Variants in BMPR1B observed in about 807,000 individuals in gnomAD.
BMPR1B encodes bone morphogenetic protein receptor type 1B.
A neutral mutation model predicts 59.1 loss-of-function variants in BMPR1B; 12 were observed. That is an observed-to-expected ratio of 0.20 (90% CI 0.13 to 0.33). The LOEUF (loss-of-function observed/expected upper bound fraction) is 0.33, where lower values mean the gene tolerates loss of function less well. Ranked by LOEUF, BMPR1B falls within the 10% of genes least tolerant of loss-of-function variation. The pLI, the probability that BMPR1B is intolerant of heterozygous loss-of-function variation, is 1.00. For synonymous variants in BMPR1B, 237 were observed against 207.3 expected (o/e 1.14, Z -1.23); for missense variants, 550 against 610.9 (o/e 0.90, Z 1.05).
chr4:94,832,774 C>T (rs867546709), intron 1 of BMPR1B, among the ~76,000 whole-genome samples: 13 of 151,890 alleles, frequency 8.6e-5, no homozygotes, highest in African/African-American at 2.7e-4. Context: ...CAGAGTAATG[C>T]TCCGTCTCAA....
At chr4:95,148,984 T>C in intron 11 of BMPR1B, 61 bp downstream of exon 11, 1 of 1,589,616 alleles carries the variant, frequency 6.3e-7, no homozygotes, top group South Asian at 1.1e-5. Context: ...CCTTTCTTTC[T>C]GATCAGAAAT....
Position 94,763,213 on chromosome 4 carries a change from G to C in BMPR1B, c.-183+5145G>C, listed in dbSNP as rs545394834. ...GTCAGTATAAAAAAAGGGAAGTGAG[G>C]CAGAATTCCTCTAATTAGGTCTGAG... On this transcript the variant is annotated intron_variant, in intron 1 of 12. Transcript: ENST00000515059. 5.3e-5 allele frequency among the ~76,000 whole-genome samples: 8 copies of C among 152,286 alleles called. No individual in the cohort carries two copies. In the East Asian group the frequency reaches 1.5e-3, roughly 29 times the overall value.
chr4:94,822,848 C>T (rs182463075), intron 1 of BMPR1B, among the ~76,000 whole-genome samples: 68 of 152,254 alleles, frequency 4.5e-4, no homozygotes, highest in African/African-American at 1.5e-3. Flanking sequence ...GGGAAGGATA[C>T]AAAGGCTTTT....
intron 1 of BMPR1B, among the ~76,000 whole-genome samples, chr4:94,786,108 T>C (rs1722754046): frequency 6.6e-6 from 1 of 152,180 alleles, no homozygotes; most frequent in South Asian, 2.1e-4. Flanking sequence ...TAATATGCCA[T>C]AATAATTCGG....
chr4:95,030,482 C>T (rs953337135), intron 3 of BMPR1B, among the ~76,000 whole-genome samples: 3 of 152,024 alleles, frequency 2.0e-5, no homozygotes, highest in Admixed American at 2.0e-4. Context: ...CCCTCTCTCA[C>T]CACTCCTATT....
intron 1 of BMPR1B, among the ~76,000 whole-genome samples, chr4:94,839,727 A>G (rs13151958): frequency 0.57 from 66,230 of 116,540 alleles, 21,715 homozygotes; most frequent in African/African-American, 0.78. Flanking sequence ...TTGCCAGTCT[A>G]TGTCTTTTAA....
At chr4:95,060,805 G>GGGACT (rs1240542305) in intron 3 of BMPR1B, among the ~76,000 whole-genome samples, 2 of 152,048 alleles carry the variant, frequency 1.3e-5, no homozygotes, top group Non-Finnish European at 2.9e-5. Context: ...GGCAGTTTTG[G>GGGACT]GGACTGTTCT....
intron 1 of BMPR1B, among the ~76,000 whole-genome samples, chr4:94,874,251 C>G (rs576685915): frequency 5.3e-5 from 8 of 152,116 alleles, no homozygotes; most frequent in Non-Finnish European, 1.2e-4. Flanking sequence ...GTGAATAATA[C>G]TGCAGTGAAC....
intron 3 of BMPR1B, among the ~76,000 whole-genome samples, chr4:95,033,829 A>G (rs1816461): frequency 0.34 from 52,166 of 152,110 alleles, 9,650 homozygotes; most frequent in African/African-American, 0.49. Context: ...AGCATGGACA[A>G]AGATGAAAGA....
intron 2 of BMPR1B, among the ~76,000 whole-genome samples, chr4:94,978,029 A>G (rs985227898): frequency 6.6e-6 from 1 of 151,990 alleles, no homozygotes; most frequent in African/African-American, 2.4e-5. Context: ...CTTAATCCTC[A>G]TTTCTCTGAA....
At chr4:94,794,647 A>G (rs1002169216) in intron 1 of BMPR1B, among the ~76,000 whole-genome samples, 40 of 151,248 alleles carry the variant, frequency 2.6e-4, no homozygotes, top group African/African-American at 9.8e-4. Context: ...CTTCCTACCC[A>G]TGAGCATGGA....
chr4:94,813,121 G>T (rs1441521108), intron 1 of BMPR1B, among the ~76,000 whole-genome samples: 3 of 151,446 alleles, frequency 2.0e-5, no homozygotes, highest in Non-Finnish European at 4.4e-5. Flanking sequence ...AAATGATCTA[G>T]GTCATGAAGA....
At chr4:95,120,578 T>C (rs1276950633) in intron 6 of BMPR1B, among the ~76,000 whole-genome samples, 1 of 146,690 alleles carries the variant, frequency 6.8e-6, no homozygotes, top group African/African-American at 2.5e-5. Flanking sequence ...GGATACAGAA[T>C]GAATATACAA....
At chr4:95,033,054 T>A (rs1724992366) in intron 3 of BMPR1B, among the ~76,000 whole-genome samples, 1 of 152,172 alleles carries the variant, frequency 6.6e-6, no homozygotes, top group African/African-American at 2.4e-5. Context: ...TGATTTGCAT[T>A]TACCTAGTTA....
chr4:95,051,764 A>G, intron 3 of BMPR1B: 5 of 1,535,506 alleles, frequency 3.3e-6, no homozygotes, highest in Non-Finnish European at 4.4e-6. Context: ...CTCTCTATGC[A>G]CACAAGGGGT....
chr4:95,151,459 G>A (rs949996291), intron 11 of BMPR1B, among the ~76,000 whole-genome samples: 8 of 151,614 alleles, frequency 5.3e-5, no homozygotes, highest in South Asian at 2.1e-4. Context: ...CACATCCTGC[G>A]TGTTAGGCCC....
intron 2 of BMPR1B, among the ~76,000 whole-genome samples, chr4:94,962,437 C>A (rs931288888): frequency 6.6e-6 from 1 of 152,088 alleles, no homozygotes; most frequent in Non-Finnish European, 1.5e-5. Context: ...TTCTTTCTAG[C>A]AGTATGTTTG....
At chr4:94,895,865 G>T (rs935284496) in intron 2 of BMPR1B, among the ~76,000 whole-genome samples, 2 of 151,868 alleles carry the variant, frequency 1.3e-5, no homozygotes, top group Non-Finnish European at 2.9e-5. Flanking sequence ...GTGATAAAAG[G>T]AAAGGAAACT....
chr4:94,828,146 A>C (rs367782226), intron 1 of BMPR1B, among the ~76,000 whole-genome samples: 1 of 152,226 alleles, frequency 6.6e-6, no homozygotes, highest in African/African-American at 2.4e-5. Context: ...CATTAATTCA[A>C]ATTTAAAATA....
Sources: allele counts gnomAD v4.1 joint callset (sites outside exome capture counted in the v4.1 genomes callset), GRCh38; gene constraint gnomAD v4.1.1; transcripts MANE v1.5; gene names NCBI Gene and HGNC (gene_info 2026-07-23, HGNC 2026-07-21).